Variants in LINGO2 observed in about 807,000 individuals in gnomAD.
LINGO2 encodes leucine rich repeat and Ig domain containing 2.
A neutral mutation model predicts 30.6 loss-of-function variants in LINGO2; 14 were observed. The ratio of observed to expected loss-of-function variants is 0.46; its 90% CI spans 0.30 to 0.72. The LOEUF is 0.72. Ranked by LOEUF, LINGO2 falls within the 30% of genes least tolerant of loss-of-function variation. The pLI is 0.07. For synonymous variants in LINGO2, 317 were observed against 288.5 expected (o/e 1.10, Z -1.00); for missense variants, 729 against 751.7 (o/e 0.97, Z 0.35).
the LINGO2 span, among the ~76,000 whole-genome samples, chr9:28,780,410 T>G: frequency 6.6e-6 from 1 of 152,274 alleles, no homozygotes; most frequent in East Asian, 1.9e-4. Flanking sequence ...GGAATCTATA[T>G]TTTGAGTCTA....
the LINGO2 span, among the ~76,000 whole-genome samples, chr9:29,151,895 T>C: frequency 3.3e-5 from 5 of 152,040 alleles, no homozygotes; most frequent in African/African-American, 1.2e-4. Context: ...TCAACTAAAT[T>C]TGGGGAAACA....
chr9:27,985,557 T>G (rs982701437), intron 5 of LINGO2, among the ~76,000 whole-genome samples: 18 of 151,866 alleles, frequency 1.2e-4, no homozygotes, highest in Non-Finnish European at 1.9e-4. Context: ...GGATAATTTT[T>G]GGGGGATTTT....
the LINGO2 span, among the ~76,000 whole-genome samples, chr9:28,706,174 A>G: frequency 6.6e-6 from 1 of 152,134 alleles, no homozygotes; most frequent in Non-Finnish European, 1.5e-5. Context: ...CTATATGACA[A>G]TCTACTGCCT....
At chr9:28,594,811 T>C (rs1473749331) in intron 1 of LINGO2, among the ~76,000 whole-genome samples, 5 of 152,014 alleles carry the variant, frequency 3.3e-5, no homozygotes, top group African/African-American at 4.8e-5. Context: ...TCAAAAACTG[T>C]CCAAGAAATA....
intron 2 of LINGO2, among the ~76,000 whole-genome samples, chr9:28,379,179 A>T (rs1821241936): frequency 6.6e-6 from 1 of 152,106 alleles, no homozygotes; most frequent in Non-Finnish European, 1.5e-5. Flanking sequence ...TTCATATGGT[A>T]AATTTTGAAG....
intron 1 of LINGO2, among the ~76,000 whole-genome samples, chr9:28,580,526 A>G (rs1244835923): frequency 6.6e-6 from 1 of 151,442 alleles, no homozygotes. Flanking sequence ...TGATTAATCT[A>G]TTTCAGCTCT....
chr9:28,227,870 C>A (rs1412159223), intron 4 of LINGO2, among the ~76,000 whole-genome samples: 2 of 152,048 alleles, frequency 1.3e-5, no homozygotes, highest in African/African-American at 4.8e-5. Context: ...CTACAGGATA[C>A]TGAAATGCAA....
In LINGO2 at chr9:28,586,137, T is replaced by A. The variant is rs559142444; in HGVS notation, c.-365+84063A>T. On this transcript the variant is annotated intron_variant, in intron 1 of 5. Transcript: ENST00000379992. ...TAGAATCAAGTTTATTTATGAATTTTAAAATTCAGCCACCGTGGAACATAC... is the reference window on the plus strand; with the variant it reads ...TAGAATCAAGTTTATTTATGAATTTAAAAATTCAGCCACCGTGGAACATAC... Among the ~76,000 whole-genome samples, 146 of 152,192 alleles carry A rather than the reference T, an allele frequency of 9.6e-4. 2 individuals carry two copies. Among genetic ancestry groups the A allele is most frequent in the Non-Finnish European group, 1.0e-3 (69 of 67,964 alleles).
At chr9:28,108,326 G>A (rs182074607) in intron 4 of LINGO2, among the ~76,000 whole-genome samples, 2 of 152,102 alleles carry the variant, frequency 1.3e-5, no homozygotes, top group Admixed American at 6.6e-5. Flanking sequence ...AATTACCTTT[G>A]AAGAGTCTTC....
chr9:29,064,329 A>G, the LINGO2 span, among the ~76,000 whole-genome samples: 1 of 152,058 alleles, frequency 6.6e-6, no homozygotes, highest in Admixed American at 6.6e-5. Flanking sequence ...GTAGTTTTAA[A>G]TGCCTTCATA....
intron 4 of LINGO2, among the ~76,000 whole-genome samples, chr9:28,063,841 G>C (rs1425453726): frequency 6.6e-6 from 1 of 152,052 alleles, no homozygotes; most frequent in Non-Finnish European, 1.5e-5. Flanking sequence ...TGATATTGTG[G>C]TTCTGAGTAC....
At chr9:28,797,974 G>A in the LINGO2 span, among the ~76,000 whole-genome samples, 2 of 152,052 alleles carry the variant, frequency 1.3e-5, no homozygotes, top group Admixed American at 1.3e-4. Context: ...AATGAAGAGA[G>A]ATTGAGGGAA....
At chr9:29,206,572 G>C in the LINGO2 span, among the ~76,000 whole-genome samples, 5 of 152,216 alleles carry the variant, frequency 3.3e-5, no homozygotes, top group Admixed American at 6.5e-5. Context: ...CCCCCTGCAT[G>C]AATCTTTTTC....
intron 1 of LINGO2, among the ~76,000 whole-genome samples, chr9:28,521,837 G>T (rs1279792283): frequency 6.6e-6 from 1 of 152,144 alleles, no homozygotes; most frequent in African/African-American, 2.4e-5. Flanking sequence ...GGAAATTTGG[G>T]CACAGATACA....
intron 2 of LINGO2, among the ~76,000 whole-genome samples, chr9:28,387,748 G>A (rs536634554): frequency 3.3e-5 from 5 of 152,190 alleles, no homozygotes; most frequent in Non-Finnish European, 7.4e-5. Flanking sequence ...AAACCCACTG[G>A]GATGAACGAA....
At chr9:27,944,753 G>A (rs1011136770), downstream of LINGO2, among the ~76,000 whole-genome samples, 2 of 152,128 alleles carry the variant, frequency 1.3e-5, no homozygotes, top group African/African-American at 4.8e-5. Context: ...CTTTACCTAA[G>A]TGCTGAGTAG....
the LINGO2 span, among the ~76,000 whole-genome samples, chr9:29,067,628 T>C: frequency 6.6e-6 from 1 of 151,476 alleles, no homozygotes; most frequent in Non-Finnish European, 1.5e-5. Flanking sequence ...TGTGCTATGT[T>C]GGAAATACTT....
intron 4 of LINGO2, among the ~76,000 whole-genome samples, chr9:28,175,845 G>A (rs1338561328): frequency 1.3e-5 from 2 of 152,158 alleles, no homozygotes; most frequent in Non-Finnish European, 2.9e-5. Flanking sequence ...TCAACTGTAT[G>A]AGCTCCAATA....
the LINGO2 span, among the ~76,000 whole-genome samples, chr9:28,954,511 G>A: frequency 3.0e-3 from 461 of 152,024 alleles, 13 homozygotes; most frequent in South Asian, 0.091. Flanking sequence ...AAATGATGGT[G>A]GAAAATACAG....
Sources: gnomAD v4.1 joint callset for allele counts (sites outside exome capture counted in the v4.1 genomes callset) on GRCh38, gnomAD v4.1.1 for gene constraint, MANE v1.5 for transcripts, NCBI Gene and HGNC (gene_info 2026-07-23, HGNC 2026-07-21) for gene names.